SPATA13: variants seen among roughly 807,000 people sequenced by gnomAD.
SPATA13 encodes spermatogenesis associated 13, also known as spermatogenesis-associated protein 13.
In SPATA13, 50 loss-of-function variants were observed where a neutral mutation model predicts 104.0. That is an observed-to-expected ratio of 0.48 (90% CI 0.38 to 0.61). SPATA13 has a LOEUF of 0.61. SPATA13 is among the 20% of genes least tolerant of loss of function. SPATA13 has a pLI of 0.00. For missense variants in SPATA13, 1,524 were observed against 1,690.6 expected, an observed-to-expected ratio of 0.90 and a Z score of 1.73; for synonymous variants, 606 against 667.5, an observed-to-expected ratio of 0.91 and a Z score of 1.42.
chr13:24,224,487 G>T lies in SPATA13; in HGVS notation c.1558G>T (p.Asp520Tyr), dbSNP rs1284151776. The part of the protein sequence containing the change: ...QREPGPVSLQ[D>Y]PLEATHGDEG... Reference sequence around the variant, plus strand: ...AGAGCCAGGGCCTGTGTCCTTGCAGGATCCCCTGGAAGCCACACATGGTGA... The same window carrying T: ...AGAGCCAGGGCCTGTGTCCTTGCAGTATCCCCTGGAAGCCACACATGGTGA... Residue 520 changes from aspartate (D) to tyrosine (Y), a missense_variant, in exon 2 of 13, where the codon GAT becomes TAT. Asp to Tyr is a radical substitution (Grantham distance 160). Around this residue, in one of 2 missense-constraint regions of SPATA13, gnomAD observed 1,089 missense variants for 1,135.9 expected, o/e 0.96. Coordinates refer to ENST00000382108, the MANE Select transcript of SPATA13 (RefSeq NM_001166271.3). 3.8e-5 allele frequency: 59 copies of T among 1,550,560 alleles called. No homozygotes were observed. The highest frequency in any genetic ancestry group is 5.9e-5 in the Admixed American group (3 of 50,994).
intron 2 of SPATA13, among the ~76,000 whole-genome samples, chr13:23,999,190 G>A (rs1247368104): frequency 3.3e-5 from 5 of 151,874 alleles, no homozygotes; most frequent in Admixed American, 1.3e-4. Flanking sequence ...GCCTCCCAAA[G>A]TGCTGGGATT....
chr13:24,285,253 CTGTAAAG>C (rs1352878473), intron 5 of SPATA13, among the ~76,000 whole-genome samples: 1 of 152,120 alleles, frequency 6.6e-6, no homozygotes, highest in African/African-American at 2.4e-5. Context: ...TCTTCAATTG[CTGTAAAG>C]TGTAAAGTTA....
chr13:24,296,884 CCCTGCCCA>C (rs11276937), intron 10 of SPATA13, among the ~76,000 whole-genome samples: 2,331 of 152,166 alleles, frequency 0.015, 60 homozygotes, highest in African/African-American at 0.054. Context: ...ACCTTTGAGG[CCCTGCCCA>C]CCTGTGAATG....
intron 4 of SPATA13, chr13:24,253,282 A>G (rs1182219289): frequency 6.6e-6 from 1 of 152,168 alleles, no homozygotes; most frequent in Non-Finnish European, 1.5e-5. Flanking sequence ...GAGAGCATTC[A>G]TTTCCAAAGA....
intron 1 of SPATA13, among the ~76,000 whole-genome samples, chr13:24,181,785 G>T (rs1868830385): frequency 6.9e-6 from 1 of 144,406 alleles, no homozygotes; most frequent in Non-Finnish European, 1.5e-5. Context: ...GTTAAAGTAA[G>T]TAAGTAGAAA....
At chr13:24,270,271 T>G (rs1874509804) in intron 4 of SPATA13, among the ~76,000 whole-genome samples, 1 of 152,204 alleles carries the variant, frequency 6.6e-6, no homozygotes, top group Non-Finnish European at 1.5e-5. Flanking sequence ...CATGTATACC[T>G]TTACATGTAT....
At chr13:24,211,675 C>G (rs375713317) in intron 1 of SPATA13, among the ~76,000 whole-genome samples, 1 of 152,114 alleles carries the variant, frequency 6.6e-6, no homozygotes, top group Non-Finnish European at 1.5e-5. Flanking sequence ...CATGTTGACT[C>G]TCTCCCCATC....
At chr13:24,002,464 G>C (rs1876023760) in intron 2 of SPATA13, among the ~76,000 whole-genome samples, 1 of 152,184 alleles carries the variant, frequency 6.6e-6, no homozygotes, top group Admixed American at 6.5e-5. Flanking sequence ...TCTGGGGGAA[G>C]GAGTAGAGGA....
chr13:24,182,634 C>G (rs1868885934), intron 1 of SPATA13, among the ~76,000 whole-genome samples: 1 of 152,170 alleles, frequency 6.6e-6, no homozygotes, highest in Non-Finnish European at 1.5e-5. Flanking sequence ...ATGACCCAAA[C>G]ACCTCCCCCA....
intron 3 of SPATA13, among the ~76,000 whole-genome samples, chr13:24,098,383 A>T (rs9553172): frequency 0.39 from 59,698 of 151,784 alleles, 13,521 homozygotes; most frequent in Middle Eastern, 0.51. Flanking sequence ...GACCCCTTCT[A>T]TTAAAAAAAT....
At chr13:24,193,335 G>A (rs1186596267) in intron 1 of SPATA13, among the ~76,000 whole-genome samples, 1 of 152,168 alleles carries the variant, frequency 6.6e-6, no homozygotes, top group Non-Finnish European at 1.5e-5. Flanking sequence ...GATGACAAAG[G>A]CCAGTGTTGG....
chr13:24,160,958 C>G (rs1484493789), intron 1 of SPATA13, 26 bp downstream of exon 1: 1 of 984,986 alleles, frequency 1.0e-6, no homozygotes, highest in Non-Finnish European at 1.2e-6. Flanking sequence ...GCGCGCGGCT[C>G]TGCCGGGCGG....
At chr13:24,244,697 G>A (rs1333678809) in intron 2 of SPATA13, among the ~76,000 whole-genome samples, 1 of 152,054 alleles carries the variant, frequency 6.6e-6, no homozygotes, top group Non-Finnish European at 1.5e-5. Context: ...ATCCCTGGCT[G>A]TACAAAAAAT....
At chr13:24,106,310 G>A (rs1880450664) in intron 3 of SPATA13, among the ~76,000 whole-genome samples, 1 of 152,188 alleles carries the variant, frequency 6.6e-6, no homozygotes, top group African/African-American at 2.4e-5. Context: ...TGAGATTACA[G>A]TTGTGAGCTA....
At chr13:24,267,323 A>G (rs1874343490) in intron 4 of SPATA13, among the ~76,000 whole-genome samples, 2 of 152,206 alleles carry the variant, frequency 1.3e-5, no homozygotes, top group African/African-American at 4.8e-5. Flanking sequence ...CTTTGAGAAG[A>G]TGCCTGATTT....
At chr13:24,061,915 C>T (rs1181374342) in intron 3 of SPATA13, among the ~76,000 whole-genome samples, 1 of 151,828 alleles carries the variant, frequency 6.6e-6, no homozygotes, top group Non-Finnish European at 1.5e-5. Flanking sequence ...AAAACTGAGG[C>T]TCAGAGAAGT....
Position 24,224,285 on chromosome 13 carries a change from G to A in SPATA13, c.1356G>A (p.Gln452=). Residue 452 remains glutamine (Q), a synonymous_variant, in exon 2 of 13, where the codon CAG becomes CAA. Coordinates refer to ENST00000382108, the MANE Select transcript of SPATA13 (RefSeq NM_001166271.3). ...CCTGTGACCCAAACGCTGGCAGCCA[G>A]TTGACATTTGACCCTGAGCAGCCTC... ...KDSCDPNAGS[Q]LTFDPEQPPT... The A allele has an allele frequency of 1.3e-6, 2 of 1,551,724 alleles. No homozygotes were observed. Among genetic ancestry groups the A allele is most frequent in the Non-Finnish European group, 1.7e-6 (2 of 1,147,012 alleles).
chr13:24,029,674 A>C (rs1877387537), intron 3 of SPATA13, among the ~76,000 whole-genome samples: 1 of 152,148 alleles, frequency 6.6e-6, no homozygotes, highest in Non-Finnish European at 1.5e-5. Context: ...TGTTAAATAC[A>C]CACACTTGTG....
intron 1 of SPATA13, among the ~76,000 whole-genome samples, chr13:24,182,509 A>AGC (rs544721910): frequency 1.7e-3 from 248 of 150,006 alleles, no homozygotes; most frequent in African/African-American, 5.7e-3. Flanking sequence ...AGAGAGAGAG[A>AGC]GCGCAGGAAA....
Sources: allele counts gnomAD v4.1 joint callset (sites outside exome capture counted in the v4.1 genomes callset), GRCh38; gene constraint gnomAD v4.1.1; regional missense constraint gnomAD v4.1.1; transcripts MANE v1.5; gene names NCBI Gene and HGNC (gene_info 2026-07-23, HGNC 2026-07-21).